USP4: variants seen among roughly 807,000 people sequenced by gnomAD.
The protein encoded by USP4 is ubiquitin specific peptidase 4.
USP4 carries 72 observed loss-of-function variants against 118.2 expected under a neutral mutation model. The observed-to-expected ratio is 0.61, with a 90% confidence interval of 0.50 to 0.74. The LOEUF (loss-of-function observed/expected upper bound fraction) is 0.74. Ranked by LOEUF, USP4 falls within the 30% of genes least tolerant of loss-of-function variation. The probability of loss-of-function intolerance (pLI) is 0.00; values close to 1 mark genes in which losing one functional copy is unlikely to be tolerated. For synonymous variants in USP4, 415 were observed against 440.4 expected (o/e 0.94, Z 0.72); for missense variants, 1,037 against 1,185.7 (o/e 0.87, Z 1.84).
intron 9 of USP4, among the ~76,000 whole-genome samples, chr3:49,304,755 T>TTTGTTGTTG (rs770247467): frequency 2.0e-5 from 3 of 150,776 alleles, no homozygotes; most frequent in Admixed American, 1.3e-4. Context: ...TCCAGCTAAT[T>TTTGTTGTTG]TTGTTGTTGT....
At chr3:49,329,378 T>C (rs946503692) in intron 2 of USP4, among the ~76,000 whole-genome samples, 1 of 152,012 alleles carries the variant, frequency 6.6e-6, no homozygotes, top group African/African-American at 2.4e-5. Context: ...TGACCTCCCA[T>C]GAATCATGAA....
At chr3:49,295,714 G>GCGCGCGCGCGCGCGCACACACACACA (rs149459963) in intron 13 of USP4, among the ~76,000 whole-genome samples, 2 of 148,320 alleles carry the variant, frequency 1.3e-5, no homozygotes, top group African/African-American at 5.2e-5. Flanking sequence ...GCGCGCGCGC[G>GCGCGCGCGCGCGCGCACACACACACA]CACACACACA....
chr3:49,304,911 G>C (rs372042083), intron 9 of USP4, among the ~76,000 whole-genome samples: 1 of 151,564 alleles, frequency 6.6e-6, no homozygotes, highest in African/African-American at 2.4e-5. Context: ...TTACAGGTGC[G>C]CACCACCACG....
Position 49,335,584 on chromosome 3 carries a change from G to C in USP4, c.114C>G (p.Asp38Glu). ...LQRGAQWYLI[D>E]SRWFKQWKKY... Reference sequence around the variant, plus strand: ...TCTTCCACTGCTTGAACCACCGGCTGTCAATAAGATACCTAGAGAGAGACA... The same window carrying C: ...TCTTCCACTGCTTGAACCACCGGCTCTCAATAAGATACCTAGAGAGAGACA... Residue 38 changes from aspartate to glutamate, a missense_variant, in exon 2 of 22, where the codon GAC becomes GAG. Physicochemically the swap from Asp to Glu is conservative, Grantham distance 45. This residue lies in a region of USP4 where 487 missense variants were observed against 534.1 expected (regional missense o/e 0.91). Transcript: ENST00000265560. The C allele has an allele frequency of 6.2e-7, 1 of 1,614,220 alleles. No homozygotes were observed. The highest frequency in any genetic ancestry group is 8.5e-7 in the Non-Finnish European group (1 of 1,180,048).
chr3:49,337,944 G>A (rs1406216245), intron 1 of USP4, among the ~76,000 whole-genome samples: 3 of 149,936 alleles, frequency 2.0e-5, no homozygotes, highest in African/African-American at 7.4e-5. Flanking sequence ...TACTCGGGAG[G>A]CTGAAGCAGG....
At chr3:49,325,189 C>T (rs2047539542) in intron 4 of USP4, 150 bp from the exon 5 acceptor site, 1 of 985,766 alleles carries the variant, frequency 1.0e-6, no homozygotes, top group South Asian at 1.6e-5. Context: ...AATCATCTCC[C>T]ATGGGTGGCC....
At position 49,324,875 on chromosome 3, in the gene USP4, A is replaced by G; in HGVS notation, c.633+19T>C. The G allele has an allele frequency of 1.2e-6, 2 of 1,614,006 alleles. No homozygotes were observed. The highest frequency in any genetic ancestry group is 1.7e-6 in the Non-Finnish European group (2 of 1,179,908). On this transcript the variant is annotated intron_variant, in intron 5 of 21. Transcript: ENST00000265560. ...CCTGGGCAGAGCTACCTGCTGGGGA[A>G]TGGCCAGGGCCCTCCTACCTGACCC... is the stretch of plus-strand genomic sequence containing the variant.
In USP4 at chr3:49,278,360, C is replaced by T. The variant is rs780393615; in HGVS notation, c.2825G>A (p.Gly942Glu). The T allele has an allele frequency of 2.5e-5, 40 of 1,614,076 alleles. No individual in the cohort carries two copies. The highest frequency in any genetic ancestry group is 3.4e-5 in the Non-Finnish European group (40 of 1,180,022). ...CTGCTGAGAGCTGCTTGGTCGTGTCCCTCCATCAGAGGAACCAGAACTGCT... is the reference window on the plus strand; with the variant it reads ...CTGCTGAGAGCTGCTTGGTCGTGTCTCTCCATCAGAGGAACCAGAACTGCT... ...SLSSSGSSDG[G>E]TRPSSSQQGF... is the part of the protein sequence containing the mutation. Residue 942 changes from glycine to glutamate, a missense_variant, in exon 22 of 22, where the codon GGG (glycine) becomes GAG (glutamate). Transcript: ENST00000265560.
rs781428339 is a variant in USP4, at chr3:49,311,643, G to A, written c.707C>T (p.Ala236Val). ...RQTLQSKSST[A>V]PSRNFTTSPK... ...AGAGGTAGTAAAATTTCTGCTAGGC[G>A]CAGTGCTTGATCTGGGAGAGAGAAG... The change falls in exon 7 of 22, where the codon GCG becomes GTG. Residue 236 changes from alanine (A) to valine (V), a missense_variant. This residue lies in a region of USP4 where 487 missense variants were observed against 534.1 expected (regional missense o/e 0.91). Coordinates refer to ENST00000265560, the MANE Select transcript of USP4 (RefSeq NM_003363.4). 2.7e-5 allele frequency: 43 copies of A among 1,613,518 alleles called. No individual in the cohort carries two copies. In the Middle Eastern group the frequency reaches 6.6e-4, roughly 25 times the overall value.
At chr3:49,281,491 TACAC>T (rs71077782) in intron 19 of USP4, among the ~76,000 whole-genome samples, 13,173 of 126,394 alleles carry the variant, frequency 0.1, 1,463 homozygotes, top group East Asian at 0.56. Context: ...TATATATATA[TACAC>T]ACACACACAC....
At chr3:49,281,503 C>T (rs1431634973) in intron 19 of USP4, among the ~76,000 whole-genome samples, 4 of 145,898 alleles carry the variant, frequency 2.7e-5, no homozygotes, top group African/African-American at 1.1e-4. Flanking sequence ...CACACACACA[C>T]ACACACACAC....
intron 15 of USP4, among the ~76,000 whole-genome samples, chr3:49,288,428 A>G (rs1261618849): frequency 6.6e-6 from 1 of 152,202 alleles, no homozygotes; most frequent in East Asian, 1.9e-4. Context: ...TGATCCCAGC[A>G]CCTTGGGAGG....
chr3:49,333,517 C>T (rs1180086192), intron 2 of USP4, among the ~76,000 whole-genome samples: 1 of 152,154 alleles, frequency 6.6e-6, no homozygotes, highest in East Asian at 1.9e-4. Flanking sequence ...GAGAGACATG[C>T]AATTCTCCTT....
Position 49,317,261 on chromosome 3 carries a change from G to A in USP4, c.696-5607C>T. ...CTGCAAGAGGCAATCTTGCGTGCCA[G>A]GTTCTCGTTGACGCGGGCCAGCTTC... On this transcript the variant is annotated intron_variant, in intron 6 of 21. Transcript: ENST00000265560. The A allele has an allele frequency of 1.9e-6, 3 of 1,539,794 alleles. No individual in the cohort carries two copies. The East Asian group carries it at 6.8e-5, about 35-fold the overall frequency.
At chr3:49,297,320 G>A (rs1336263777) in intron 13 of USP4, among the ~76,000 whole-genome samples, 1 of 152,162 alleles carries the variant, frequency 6.6e-6, no homozygotes, top group African/African-American at 2.4e-5. Context: ...AGCAGCATGT[G>A]GGAAGGCAGA....
intron 13 of USP4, 103 bp downstream of exon 13, chr3:49,297,767 G>T: frequency 1.1e-6 from 1 of 948,310 alleles, no homozygotes; most frequent in Non-Finnish European, 1.7e-6. Context: ...CAATCCACAT[G>T]AGCAATGACT....
At position 49,284,875 on chromosome 3, in the gene USP4, G is replaced by A; in HGVS notation, c.2245C>T (p.Leu749Phe). Residue 749 changes from leucine (L) to phenylalanine (F), a missense_variant, in exon 17 of 22, where the codon CTT becomes TTT. By Grantham distance (22) the Leu-to-Phe change is conservative. Transcript: ENST00000265560. ...TCAGATTCTTGCTCATCATAGTAAAGTCTCCGAGTTTCACTGTCCCAATCC... is the reference window on the plus strand; with the variant it reads ...TCAGATTCTTGCTCATCATAGTAAAATCTCCGAGTTTCACTGTCCCAATCC... ...AMDWDSETRR[L>F]YYDEQESEAY... The A allele has an allele frequency of 6.2e-7, 1 of 1,613,668 alleles. No individual in the cohort carries two copies. The highest frequency in any genetic ancestry group is 8.5e-7 in the Non-Finnish European group (1 of 1,179,808).
intron 6 of USP4, chr3:49,312,620 C>CAA: frequency 2.9e-6 from 1 of 345,332 alleles, no homozygotes; most frequent in Non-Finnish European, 5.8e-6. Flanking sequence ...AACTCTGTCT[C>CAA]AAAAAAAAAG....
At chr3:49,331,259 G>T (rs1409378722) in intron 2 of USP4, among the ~76,000 whole-genome samples, 1 of 151,958 alleles carries the variant, frequency 6.6e-6, no homozygotes, top group African/African-American at 2.4e-5. Flanking sequence ...GGCAGAGGTT[G>T]TGGTGAGCCA....
Sources: allele counts gnomAD v4.1 joint callset (sites outside exome capture counted in the v4.1 genomes callset), GRCh38; gene constraint gnomAD v4.1.1; regional missense constraint gnomAD v4.1.1; transcripts MANE v1.5; gene names NCBI Gene and HGNC (gene_info 2026-07-23, HGNC 2026-07-21).